The following GPC6 variants were observed in gnomAD, a reference collection of about 807,000 sequenced individuals.
The protein encoded by GPC6 is glypican-6.
Under a neutral mutation model 55.2 loss-of-function variants are expected in GPC6, and 14 were observed. The ratio of observed to expected loss-of-function variants is 0.25; its 90% CI spans 0.17 to 0.40. The LOEUF is 0.40. Among genes scored for constraint, GPC6 ranks in the 10% least tolerant of loss-of-function variants. The pLI is 1.00. For missense variants in GPC6, 641 were observed against 708.5 expected (o/e 0.90, Z 1.08); for synonymous variants, 278 against 259.6 (o/e 1.07, Z -0.68).
chr13:93,617,561 A>T (rs1006752435), intron 2 of GPC6, among the ~76,000 whole-genome samples: 1 of 152,092 alleles, frequency 6.6e-6, no homozygotes. Context: ...ACACACATAC[A>T]TGAAACTCTG....
In GPC6 at chr13:94,266,385, G is replaced by A. The variant is rs537506117; in HGVS notation, c.878-19964G>A. ...GGGTTTCACTGTGTTAGCCAGGATG[G>A]TCTCGATCTCCTGACCTCGTGATCC... On this transcript the variant is annotated intron_variant, in intron 4 of 8. Coordinates refer to ENST00000377047, the MANE Select transcript of GPC6 (RefSeq NM_005708.5). Among the ~76,000 whole-genome samples, 137 of 152,192 alleles carry A rather than the reference G, an allele frequency of 9.0e-4. 1 individual carries two copies. In the South Asian group the frequency reaches 0.016, roughly 17 times the overall value.
intron 1 of GPC6, among the ~76,000 whole-genome samples, chr13:93,535,455 C>T (rs1173579990): frequency 3.3e-5 from 5 of 152,096 alleles, no homozygotes; most frequent in African/African-American, 4.8e-5. Context: ...GTCACATGGT[C>T]TCTGCCATAA....
At chr13:93,626,766 C>T (rs1293537554) in intron 2 of GPC6, among the ~76,000 whole-genome samples, 1 of 150,010 alleles carries the variant, frequency 6.7e-6, no homozygotes, top group African/African-American at 2.5e-5. Flanking sequence ...CACACCATTG[C>T]ACTCCAGCCT....
At chr13:93,248,733 G>A (rs921581291) in intron 1 of GPC6, among the ~76,000 whole-genome samples, 5 of 152,202 alleles carry the variant, frequency 3.3e-5, no homozygotes, top group Non-Finnish European at 7.3e-5. Context: ...AGGAGGCTCT[G>A]CTGCACAGCG....
At chr13:93,653,580 G>A (rs1428434517) in intron 2 of GPC6, among the ~76,000 whole-genome samples, 2 of 14,888 alleles carry the variant, frequency 1.3e-4, no homozygotes, top group Admixed American at 1.2e-3. Flanking sequence ...ATGGCCGTGT[G>A]TGTGTGTGTG....
chr13:94,270,097 T>C (rs912520142), intron 4 of GPC6, among the ~76,000 whole-genome samples: 5 of 152,226 alleles, frequency 3.3e-5, no homozygotes, highest in Non-Finnish European at 7.3e-5. Flanking sequence ...TATTACATTG[T>C]GGAATCAGAG....
chr13:93,738,780 T>C (rs1884088853), intron 2 of GPC6, among the ~76,000 whole-genome samples: 2 of 152,168 alleles, frequency 1.3e-5, no homozygotes, highest in African/African-American at 2.4e-5. Flanking sequence ...CACATTCTGA[T>C]ACTTTATGAA....
intron 1 of GPC6, among the ~76,000 whole-genome samples, chr13:93,354,521 T>TA (rs201399002): frequency 0.011 from 1,526 of 140,742 alleles, 32 homozygotes; most frequent in African/African-American, 0.04. Flanking sequence ...CGGCTATTAT[T>TA]TTTTTTTTTT....
intron 2 of GPC6, among the ~76,000 whole-genome samples, chr13:93,566,400 C>T (rs1208526811): frequency 6.6e-6 from 1 of 152,152 alleles, no homozygotes; most frequent in Non-Finnish European, 1.5e-5. Context: ...TATGATAGTG[C>T]TCCACTGATA....
At chr13:93,703,866 A>G (rs1882757179) in intron 2 of GPC6, among the ~76,000 whole-genome samples, 1 of 152,016 alleles carries the variant, frequency 6.6e-6, no homozygotes, top group South Asian at 2.1e-4. Flanking sequence ...TGTTGTTATA[A>G]CCGTGATTAC....
intron 4 of GPC6, among the ~76,000 whole-genome samples, chr13:94,189,830 GC>G (rs763906373): frequency 1.3e-5 from 2 of 151,930 alleles, no homozygotes; most frequent in Non-Finnish European, 2.9e-5. Context: ...GACCATCCTG[GC>G]TAACATGGTG....
At chr13:94,272,009 T>C (rs1257683423) in intron 4 of GPC6, among the ~76,000 whole-genome samples, 1 of 152,126 alleles carries the variant, frequency 6.6e-6, no homozygotes, top group Non-Finnish European at 1.5e-5. Flanking sequence ...TACAGGGTCA[T>C]ATTGTGTTTT....
intron 4 of GPC6, among the ~76,000 whole-genome samples, chr13:94,130,296 G>A (rs1196480660): frequency 2.0e-5 from 3 of 151,748 alleles, no homozygotes; most frequent in Non-Finnish European, 4.4e-5. Context: ...TTTTATCTTA[G>A]CTTCCTAAGT....
At chr13:93,987,189 A>C (rs1055103550) in intron 3 of GPC6, among the ~76,000 whole-genome samples, 1 of 152,214 alleles carries the variant, frequency 6.6e-6, no homozygotes, top group African/African-American at 2.4e-5. Context: ...TTCTTTGGAC[A>C]TAAGAATATT....
At chr13:94,039,474 A>G (rs1440892742) in intron 4 of GPC6, among the ~76,000 whole-genome samples, 2 of 151,922 alleles carry the variant, frequency 1.3e-5, no homozygotes. Context: ...AAGAGGGCAA[A>G]GCAAAAAATA....
chr13:94,226,694 C>G (rs1185464908), intron 4 of GPC6, among the ~76,000 whole-genome samples: 1 of 152,190 alleles, frequency 6.6e-6, no homozygotes, highest in African/African-American at 2.4e-5. Flanking sequence ...CATGAACCTT[C>G]TGGAATGTAG....
chr13:93,466,804 A>G (rs1360949149), intron 1 of GPC6, among the ~76,000 whole-genome samples: 1 of 152,200 alleles, frequency 6.6e-6, no homozygotes, highest in Non-Finnish European at 1.5e-5. Context: ...CTGGTGGAGT[A>G]CTACTATGGA....
intron 2 of GPC6, among the ~76,000 whole-genome samples, chr13:93,732,182 C>T (rs1037448953): frequency 8.5e-4 from 129 of 152,170 alleles, no homozygotes; most frequent in African/African-American, 2.9e-3. Context: ...GTGATGTCCA[C>T]ATGTCCCTGC....
chr13:94,311,907 T>C (rs1298712424), intron 6 of GPC6, among the ~76,000 whole-genome samples: 1 of 152,176 alleles, frequency 6.6e-6, no homozygotes, highest in Non-Finnish European at 1.5e-5. Context: ...TTCTGTTCGA[T>C]TGGTCCCATT....
Sources: allele counts gnomAD v4.1 joint callset (sites outside exome capture counted in the v4.1 genomes callset), GRCh38; gene constraint gnomAD v4.1.1; transcripts MANE v1.5; gene names NCBI Gene and HGNC (gene_info 2026-07-23, HGNC 2026-07-21).